RUNDC3B: variants seen among roughly 807,000 people sequenced by gnomAD.
RUNDC3B encodes the protein RUN domain containing 3B.
Under a neutral mutation model 58.4 loss-of-function variants are expected in RUNDC3B, and 33 were observed. That is an observed-to-expected ratio of 0.56 (90% CI 0.43 to 0.75). The LOEUF (loss-of-function observed/expected upper bound fraction) is 0.75, where lower values mean the gene tolerates loss of function less well. Among genes scored for constraint, RUNDC3B ranks in the 30% least tolerant of loss-of-function variants. The probability of loss-of-function intolerance (pLI) is 0.00; values close to 1 mark genes in which losing one functional copy is unlikely to be tolerated. For synonymous variants in RUNDC3B, 193 were observed against 195.2 expected (o/e 0.99, Z 0.10); for missense variants, 501 against 535.7 (o/e 0.94, Z 0.64).
intron 1 of RUNDC3B, among the ~76,000 whole-genome samples, chr7:87,633,558 C>T (rs994328641): frequency 6.6e-6 from 1 of 152,172 alleles, no homozygotes; most frequent in Non-Finnish European, 1.5e-5. Context: ...TTATTTCTTA[C>T]AACTCTTTTT....
In RUNDC3B at chr7:87,687,570, A is replaced by G. The variant is rs573248571; in HGVS notation, c.239-12851A>G. Among the ~76,000 whole-genome samples the G allele has an allele frequency of 8.5e-5, 13 of 152,292 alleles. 1 individual carries two copies. Among genetic ancestry groups the G allele is most frequent in the African/African-American group, 3.1e-4 (13 of 41,568 alleles). ...ACTAAGATCTTCATCTGTTTTGTTCATTGGTGTATCCAAATCTCTAGAGCA... is the reference window on the plus strand; with the variant it reads ...ACTAAGATCTTCATCTGTTTTGTTCGTTGGTGTATCCAAATCTCTAGAGCA... On this transcript the variant is annotated intron_variant, in intron 2 of 10. Coordinates refer to ENST00000394654, the MANE Select transcript of RUNDC3B (RefSeq NM_001134405.2).
chr7:87,747,824 T>C (rs1832734755), intron 6 of RUNDC3B, among the ~76,000 whole-genome samples: 1 of 152,016 alleles, frequency 6.6e-6, no homozygotes. Flanking sequence ...CCAGTCTCAC[T>C]CCCACCATGC....
rs548235741 is a variant in RUNDC3B at position 87,769,211 on chromosome 7, A to G, written c.630-1370A>G. Among the ~76,000 whole-genome samples, 324 of 149,040 alleles carry G rather than the reference A, an allele frequency of 2.2e-3. 2 individuals are homozygous for G. The highest frequency in any genetic ancestry group is 7.8e-3 in the African/African-American group (316 of 40,374). ...TTTTTAGTAGAGACAGGTTTTCACC[A>G]TGTTGCCCAAGCTGGTCTTGAACTT... On this transcript the variant is annotated intron_variant, in intron 6 of 10. Coordinates refer to ENST00000394654, the MANE Select transcript of RUNDC3B (RefSeq NM_001134405.2).
chr7:87,747,539 G>A (rs1048327550), intron 6 of RUNDC3B, among the ~76,000 whole-genome samples: 4 of 152,116 alleles, frequency 2.6e-5, no homozygotes, highest in African/African-American at 9.7e-5. Flanking sequence ...CGGGACCCTA[G>A]AACTCCCAAG....
intron 8 of RUNDC3B, among the ~76,000 whole-genome samples, chr7:87,805,021 G>C (rs1019761097): frequency 1.3e-5 from 2 of 152,084 alleles, no homozygotes; most frequent in Non-Finnish European, 2.9e-5. Context: ...TGCACAAATA[G>C]AATTCATTAT....
intron 1 of RUNDC3B, among the ~76,000 whole-genome samples, chr7:87,638,207 A>T (rs2130262286): frequency 6.6e-6 from 1 of 152,226 alleles, no homozygotes; most frequent in South Asian, 2.1e-4. Context: ...TTTTGCATTT[A>T]GGGTGTTAAT....
chr7:87,772,471 A>G (rs991166945), intron 7 of RUNDC3B, among the ~76,000 whole-genome samples: 3 of 152,188 alleles, frequency 2.0e-5, no homozygotes, highest in Admixed American at 6.6e-5. Flanking sequence ...TTAAAATATG[A>G]TGAAATAATT....
intron 4 of RUNDC3B, among the ~76,000 whole-genome samples, chr7:87,733,582 T>C (rs1019661490): frequency 4.6e-5 from 7 of 152,342 alleles, no homozygotes; most frequent in African/African-American, 1.7e-4. Flanking sequence ...CCCAACCTTT[T>C]TGGCAACAGG....
Position 87,830,035 on chromosome 7 carries a change from T to G in RUNDC3B, c.*5T>G, listed in dbSNP as rs1838051495. 3 of 1,562,590 alleles carry G rather than the reference T, an allele frequency of 1.9e-6. No individual in the cohort carries two copies. Among genetic ancestry groups the G allele is most frequent in the Non-Finnish European group, 1.7e-6 (2 of 1,159,146 alleles). On this transcript the variant is annotated 3_prime_UTR_variant, in exon 11 of 11. Transcript: ENST00000394654. ...CCAGGCCTAACTCCATCCTGAAAATTTTTGTGTAAAAGCCAAAACTTTTTA... is the reference window on the plus strand; with the variant it reads ...CCAGGCCTAACTCCATCCTGAAAATGTTTGTGTAAAAGCCAAAACTTTTTA...
intron 6 of RUNDC3B, among the ~76,000 whole-genome samples, chr7:87,761,034 A>G (rs1833648751): frequency 6.6e-6 from 1 of 152,050 alleles, no homozygotes; most frequent in African/African-American, 2.4e-5. Flanking sequence ...AAAAAATGAA[A>G]GAGTGACCCA....
chr7:87,823,966 A>G (rs1323446583), intron 10 of RUNDC3B, among the ~76,000 whole-genome samples: 1 of 152,170 alleles, frequency 6.6e-6, no homozygotes, highest in Non-Finnish European at 1.5e-5. Context: ...AATTAAGCCA[A>G]TGAACTTCAC....
chr7:87,706,132 T>C (rs1163826746), intron 3 of RUNDC3B, among the ~76,000 whole-genome samples: 1 of 152,204 alleles, frequency 6.6e-6, no homozygotes. Context: ...CAGAATATGC[T>C]AGTTACATCA....
chr7:87,758,977 G>A (rs1435418114), intron 6 of RUNDC3B, among the ~76,000 whole-genome samples: 2 of 152,062 alleles, frequency 1.3e-5, no homozygotes, highest in Non-Finnish European at 2.9e-5. Flanking sequence ...TCCACTGCTA[G>A]GTATATATCT....
chr7:87,751,158 T>A (rs572830613), intron 6 of RUNDC3B, among the ~76,000 whole-genome samples: 2 of 152,330 alleles, frequency 1.3e-5, no homozygotes, highest in Admixed American at 1.3e-4. Context: ...ATTGCTTGTT[T>A]TTCTCAGGTT....
chr7:87,770,190 G>T (rs1834199276), intron 6 of RUNDC3B, among the ~76,000 whole-genome samples: 1 of 152,056 alleles, frequency 6.6e-6, no homozygotes, highest in Non-Finnish European at 1.5e-5. Context: ...GCCTTGTATT[G>T]AAGATTGAGC....
At chr7:87,821,621 C>T (rs1376992195) in intron 10 of RUNDC3B, among the ~76,000 whole-genome samples, 58 of 151,604 alleles carry the variant, frequency 3.8e-4, no homozygotes, top group Admixed American at 1.9e-3. Flanking sequence ...AGAGGCATCA[C>T]GCTACCTGAC....
At chr7:87,694,527 A>G (rs1358981171) in intron 2 of RUNDC3B, among the ~76,000 whole-genome samples, 1 of 152,346 alleles carries the variant, frequency 6.6e-6, no homozygotes, top group South Asian at 2.1e-4. Flanking sequence ...AAAGAGAAAA[A>G]GTAAAAAACA....
chr7:87,656,513 A>G (rs927682060), intron 2 of RUNDC3B, among the ~76,000 whole-genome samples: 1 of 151,996 alleles, frequency 6.6e-6, no homozygotes, highest in Non-Finnish European at 1.5e-5. Context: ...AGAAAATATC[A>G]AGGTTTGTTT....
intron 1 of RUNDC3B, among the ~76,000 whole-genome samples, chr7:87,647,128 A>T (rs1236035379): frequency 6.6e-6 from 1 of 152,182 alleles, no homozygotes; most frequent in East Asian, 1.9e-4. Flanking sequence ...TGTAATTTGT[A>T]TCATTCTCGT....
Sources: gnomAD v4.1 joint callset for allele counts (sites outside exome capture counted in the v4.1 genomes callset) on GRCh38, gnomAD v4.1.1 for gene constraint, MANE v1.5 for transcripts, NCBI Gene and HGNC (gene_info 2026-07-23, HGNC 2026-07-21) for gene names.